Variants in GMDS observed in about 807,000 individuals in gnomAD.
GMDS encodes GDP-mannose 4,6-dehydratase, also known as GDP-mannose 4,6 dehydratase.
GMDS carries 20 observed loss-of-function variants against 49.9 expected under a neutral mutation model. That is an observed-to-expected ratio of 0.40 (90% confidence interval 0.28 to 0.58). The LOEUF (loss-of-function observed/expected upper bound fraction) is 0.58. Among genes scored for constraint, GMDS ranks in the 20% least tolerant of loss-of-function variants. GMDS has a pLI of 0.42. For missense variants in GMDS, 362 were observed against 481.4 expected, an observed-to-expected ratio of 0.75 and a Z score of 2.32; for synonymous variants, 177 against 178.6, an observed-to-expected ratio of 0.99 and a Z score of 0.07.
chr6:1,781,811 T>C (rs546649073), intron 7 of GMDS, among the ~76,000 whole-genome samples: 11 of 152,274 alleles, frequency 7.2e-5, no homozygotes, highest in African/African-American at 2.6e-4. Context: ...TTTTACAGTA[T>C]TGTAGGAATA....
intron 7 of GMDS, among the ~76,000 whole-genome samples, chr6:1,747,488 G>GCACACACA (rs1561777876): frequency 3.1e-4 from 10 of 31,848 alleles, no homozygotes; most frequent in African/African-American, 7.1e-4. Context: ...ATGCGTGTGC[G>GCACACACA]CGCACACACA....
chr6:2,245,178 C>T, intron 1 of GMDS, 143 bp downstream of exon 1: 2 of 636,338 alleles, frequency 3.1e-6, no homozygotes, highest in Non-Finnish European at 5.6e-6. Context: ...CCGTACCTTC[C>T]GTCCCACCTC....
intron 7 of GMDS, among the ~76,000 whole-genome samples, chr6:1,906,739 G>A (rs1760795789): frequency 6.6e-6 from 1 of 152,142 alleles, no homozygotes; most frequent in African/African-American, 2.4e-5. Flanking sequence ...AGGGCAGGGA[G>A]GGAGGACAAG....
intron 9 of GMDS, among the ~76,000 whole-genome samples, chr6:1,630,700 G>A (rs1189136330): frequency 6.6e-6 from 1 of 152,232 alleles, no homozygotes; most frequent in Non-Finnish European, 1.5e-5. Flanking sequence ...ACAAGGTGCT[G>A]CGTCTGTCTG....
chr6:1,897,545 A>T (rs79637735), intron 7 of GMDS, among the ~76,000 whole-genome samples: 2,013 of 152,230 alleles, frequency 0.013, 50 homozygotes, highest in African/African-American at 0.046. Context: ...ACCTGGACAA[A>T]TTGTATATCT....
intron 7 of GMDS, among the ~76,000 whole-genome samples, chr6:1,903,714 C>T (rs140483460): frequency 1.6e-4 from 24 of 152,232 alleles, no homozygotes; most frequent in Non-Finnish European, 3.4e-4. Flanking sequence ...TTCTTCTTGC[C>T]TTGCTGGAAA....
intron 1 of GMDS, among the ~76,000 whole-genome samples, chr6:2,158,726 G>C (rs1227227935): frequency 6.6e-6 from 1 of 152,214 alleles, no homozygotes; most frequent in Admixed American, 6.5e-5. Context: ...TGGGGACTTA[G>C]CGAATCGCTT....
At chr6:1,965,408 AAGAT>A (rs1478685924) in intron 4 of GMDS, among the ~76,000 whole-genome samples, 1 of 152,256 alleles carries the variant, frequency 6.6e-6, no homozygotes, top group East Asian at 1.9e-4. Flanking sequence ...GCTACAGGAT[AAGAT>A]TAGCTGATAA....
At chr6:1,927,544 A>G (rs1403031739) in intron 7 of GMDS, among the ~76,000 whole-genome samples, 1 of 152,238 alleles carries the variant, frequency 6.6e-6, no homozygotes, top group African/African-American at 2.4e-5. Flanking sequence ...CCCCTACTGG[A>G]GCCAAAATGT....
At chr6:1,877,295 C>T (rs566508722) in intron 7 of GMDS, among the ~76,000 whole-genome samples, 7 of 152,188 alleles carry the variant, frequency 4.6e-5, no homozygotes, top group African/African-American at 9.6e-5. Context: ...TTTTCCTCTT[C>T]AGACCTTAGA....
At chr6:1,759,429 C>A (rs544976703) in intron 7 of GMDS, among the ~76,000 whole-genome samples, 21 of 152,300 alleles carry the variant, frequency 1.4e-4, no homozygotes, top group Non-Finnish European at 2.4e-4. Context: ...TGTATTCTTG[C>A]GACTGCATGA....
At chr6:1,658,834 G>A (rs1328424387) in intron 9 of GMDS, among the ~76,000 whole-genome samples, 2 of 152,196 alleles carry the variant, frequency 1.3e-5, no homozygotes, top group East Asian at 1.9e-4. Context: ...AGCCAAGCTC[G>A]CAGTTACAAA....
intron 7 of GMDS, among the ~76,000 whole-genome samples, chr6:1,920,711 C>G (rs754404301): frequency 6.6e-6 from 1 of 152,102 alleles, no homozygotes; most frequent in Non-Finnish European, 1.5e-5. Context: ...ATTTTCCAGA[C>G]TTTCACAGAA....
intron 7 of GMDS, among the ~76,000 whole-genome samples, chr6:1,811,086 T>C (rs1770408540): frequency 6.6e-6 from 1 of 152,182 alleles, no homozygotes; most frequent in Admixed American, 6.5e-5. Context: ...GAGCTGGTCC[T>C]GTGTTTAGAG....
At chr6:1,718,605 G>A (rs1479671824) in intron 9 of GMDS, among the ~76,000 whole-genome samples, 2 of 152,014 alleles carry the variant, frequency 1.3e-5, no homozygotes, top group South Asian at 2.1e-4. Context: ...CTTCGCAGCT[G>A]CTTCCCTTTC....
chr6:1,923,600 G>A (rs571401336), intron 7 of GMDS, among the ~76,000 whole-genome samples: 39 of 152,208 alleles, frequency 2.6e-4, no homozygotes, highest in African/African-American at 7.5e-4. Flanking sequence ...TCCTGCCAGC[G>A]CACAGAGCAG....
chr6:2,050,147 A>T (rs1420506401), intron 4 of GMDS, among the ~76,000 whole-genome samples: 3 of 152,190 alleles, frequency 2.0e-5, no homozygotes, highest in African/African-American at 4.8e-5. Flanking sequence ...ATAAAGAAGA[A>T]AAGAGAGAAG....
intron 9 of GMDS, among the ~76,000 whole-genome samples, chr6:1,648,868 A>C (rs936269307): frequency 6.6e-6 from 1 of 152,214 alleles, no homozygotes; most frequent in Non-Finnish European, 1.5e-5. Context: ...TGCTGATAAA[A>C]GATCTAAAAC....
At chr6:2,131,915 A>C (rs1205024415) in intron 1 of GMDS, among the ~76,000 whole-genome samples, 1 of 152,108 alleles carries the variant, frequency 6.6e-6, no homozygotes, top group Non-Finnish European at 1.5e-5. Context: ...CAGAGAAAAA[A>C]AAATCTTCAT....
Sources: allele counts gnomAD v4.1 joint callset (sites outside exome capture counted in the v4.1 genomes callset), GRCh38; gene constraint gnomAD v4.1.1; transcripts MANE v1.5; gene names NCBI Gene and HGNC (gene_info 2026-07-23, HGNC 2026-07-21).